SYNPR: variants seen among roughly 807,000 people sequenced by gnomAD.
SYNPR encodes synaptoporin.
In SYNPR, 23 loss-of-function variants were observed where a neutral mutation model predicts 32.9. That is an observed-to-expected ratio of 0.70 (90% CI 0.50 to 0.99). The LOEUF (loss-of-function observed/expected upper bound fraction) is 0.99, where lower values mean the gene tolerates loss of function less well. Ranked by LOEUF, SYNPR falls within the 50% of genes least tolerant of loss-of-function variation. SYNPR has a pLI of 0.00. For missense variants in SYNPR, 318 were observed against 349.3 expected (o/e 0.91, Z 0.71); for synonymous variants, 146 against 135.9 (o/e 1.07, Z -0.52).
At chr3:63,552,773 A>G (rs1047587974) in intron 3 of SYNPR, among the ~76,000 whole-genome samples, 2 of 152,238 alleles carry the variant, frequency 1.3e-5, no homozygotes, top group Non-Finnish European at 2.9e-5. Context: ...AAGTTTAAAA[A>G]TCAGGCTCTG....
At chr3:63,573,880 C>G (rs1184060378) in intron 4 of SYNPR, among the ~76,000 whole-genome samples, 1 of 152,102 alleles carries the variant, frequency 6.6e-6, no homozygotes, top group Non-Finnish European at 1.5e-5. Context: ...ATTTAATGAG[C>G]TTTTGCAAAG....
chr3:63,567,511 A>G (rs1176214574), intron 4 of SYNPR, among the ~76,000 whole-genome samples: 1 of 152,164 alleles, frequency 6.6e-6, no homozygotes, highest in African/African-American at 2.4e-5. Flanking sequence ...AATCCAGAAC[A>G]AGCACACACT....
chr3:63,596,329 TC>T (rs1256511734), intron 4 of SYNPR, among the ~76,000 whole-genome samples: 1 of 114,786 alleles, frequency 8.7e-6, no homozygotes, highest in African/African-American at 3.3e-5. Context: ...TGCTCCCCCT[TC>T]CCCCTCCACT....
chr3:63,503,481 A>C (rs1489145869), intron 3 of SYNPR, among the ~76,000 whole-genome samples: 2 of 152,146 alleles, frequency 1.3e-5, no homozygotes, highest in Non-Finnish European at 2.9e-5. Context: ...TAATTGTACA[A>C]TATCAAAATG....
intron 2 of SYNPR, among the ~76,000 whole-genome samples, chr3:63,370,661 G>A (rs1376480): frequency 6.6e-6 from 1 of 151,982 alleles, no homozygotes; most frequent in Non-Finnish European, 1.5e-5. Flanking sequence ...ATAATTTCTA[G>A]ATGGATCTCT....
At chr3:63,606,945 G>A (rs1229143120) in intron 4 of SYNPR, among the ~76,000 whole-genome samples, 1 of 152,028 alleles carries the variant, frequency 6.6e-6, no homozygotes, top group Non-Finnish European at 1.5e-5. Context: ...TATAAACTTG[G>A]AATAATACTT....
chr3:63,350,213 T>TAC (rs67609911), intron 2 of SYNPR, among the ~76,000 whole-genome samples: 10,079 of 144,744 alleles, frequency 0.07, 520 homozygotes, highest in African/African-American at 0.16. Flanking sequence ...AATATTATTC[T>TAC]ACACACACAC....
the SYNPR span, among the ~76,000 whole-genome samples, chr3:63,209,182 G>T: frequency 6.6e-6 from 1 of 152,072 alleles, no homozygotes; most frequent in African/African-American, 2.4e-5. Context: ...GCCGGGCGAG[G>T]TGGGGGTCGC....
chr3:63,484,940 G>C (rs1553640434), intron 3 of SYNPR, among the ~76,000 whole-genome samples: 1 of 152,052 alleles, frequency 6.6e-6, no homozygotes, highest in Non-Finnish European at 1.5e-5. Context: ...AAGTTGAATA[G>C]GAAGAAGGAG....
intron 2 of SYNPR, among the ~76,000 whole-genome samples, chr3:63,419,518 T>C (rs1468849056): frequency 6.6e-6 from 1 of 152,228 alleles, no homozygotes; most frequent in African/African-American, 2.4e-5. Flanking sequence ...CTGCTTAGTT[T>C]GTCCCACAAA....
At chr3:63,497,765 C>T (rs1283256918) in intron 3 of SYNPR, among the ~76,000 whole-genome samples, 1 of 152,118 alleles carries the variant, frequency 6.6e-6, no homozygotes, top group African/African-American at 2.4e-5. Context: ...TGGGAACAAA[C>T]AGTGGCACAG....
intron 2 of SYNPR, among the ~76,000 whole-genome samples, chr3:63,254,360 G>C (rs2086364005): frequency 6.6e-6 from 1 of 151,996 alleles, no homozygotes; most frequent in Non-Finnish European, 1.5e-5. Context: ...CTTTAAATCA[G>C]CACTTTTAAA....
chr3:63,333,700 G>C (rs1318988978), intron 2 of SYNPR, among the ~76,000 whole-genome samples: 1 of 152,106 alleles, frequency 6.6e-6, no homozygotes, highest in African/African-American at 2.4e-5. Flanking sequence ...TTACAGGTAC[G>C]AGCCACTATT....
At chr3:63,608,537 T>C (rs78493784) in intron 4 of SYNPR, among the ~76,000 whole-genome samples, 1 of 152,214 alleles carries the variant, frequency 6.6e-6, no homozygotes, top group Non-Finnish European at 1.5e-5. Flanking sequence ...CCACATTGGT[T>C]AACATATTGG....
chr3:63,549,038 C>T lies in SYNPR; in HGVS notation c.210-7505C>T, dbSNP rs528829577. Among the ~76,000 whole-genome samples the T allele has an allele frequency of 3.4e-4, 52 of 152,300 alleles. 1 individual carries two copies. The highest frequency in any genetic ancestry group is 1.1e-3 in the African/African-American group (46 of 41,562). On this transcript the variant is annotated intron_variant, in intron 3 of 5. Transcript: ENST00000478300. ...TCTCACTTTCTATTAAAAAATCACACCACAATTATCACAATTTCACAACAT... is the reference window on the plus strand; with the variant it reads ...TCTCACTTTCTATTAAAAAATCACATCACAATTATCACAATTTCACAACAT...
At chr3:63,208,787 C>A in the SYNPR span, among the ~76,000 whole-genome samples, 5 of 152,134 alleles carry the variant, frequency 3.3e-5, no homozygotes, top group Non-Finnish European at 4.4e-5. Flanking sequence ...ATCCTATATT[C>A]CTGGGCTCGG....
chr3:63,504,030 G>T (rs1056001213), intron 3 of SYNPR, among the ~76,000 whole-genome samples: 1 of 151,784 alleles, frequency 6.6e-6, no homozygotes, highest in African/African-American at 2.4e-5. Flanking sequence ...AAAACCTTAC[G>T]TTATTTTCAT....
intron 2 of SYNPR, among the ~76,000 whole-genome samples, chr3:63,439,171 T>G (rs941991816): frequency 6.6e-6 from 1 of 152,246 alleles, no homozygotes; most frequent in Non-Finnish European, 1.5e-5. Flanking sequence ...TGAAGGCCAT[T>G]GCTCAACTGA....
chr3:63,475,123 T>C (rs1484078697), intron 2 of SYNPR, among the ~76,000 whole-genome samples: 3 of 152,180 alleles, frequency 2.0e-5, no homozygotes, highest in African/African-American at 7.2e-5. Context: ...TGGATGACTA[T>C]TAAGCTAGAA....
Sources: allele counts gnomAD v4.1 joint callset (sites outside exome capture counted in the v4.1 genomes callset), GRCh38; gene constraint gnomAD v4.1.1; transcripts MANE v1.5; gene names NCBI Gene and HGNC (gene_info 2026-07-23, HGNC 2026-07-21).